The following PARD3B variants were observed in gnomAD, a reference collection of about 807,000 sequenced individuals.
PARD3B encodes the protein partitioning defective 3 homolog B.
Under a neutral mutation model 130.2 loss-of-function variants are expected in PARD3B, and 103 were observed. That is an observed-to-expected ratio of 0.79 (90% CI 0.67 to 0.93). PARD3B has a LOEUF of 0.93. Among genes scored for constraint, PARD3B ranks in the 40% least tolerant of loss-of-function variants. PARD3B has a pLI of 0.00. For missense variants in PARD3B, 1,609 were observed against 1,499.2 expected (o/e 1.07, Z -1.21); for synonymous variants, 583 against 553.2 (o/e 1.05, Z -0.76).
intron 1 of PARD3B, among the ~76,000 whole-genome samples, chr2:204,684,090 A>G (rs1212679700): frequency 2.0e-5 from 3 of 152,174 alleles, no homozygotes; most frequent in East Asian, 1.9e-4. Context: ...CTTTATTTTA[A>G]ATTAGGACTC....
intron 1 of PARD3B, among the ~76,000 whole-genome samples, chr2:204,568,507 T>A (rs932437912): frequency 3.2e-4 from 49 of 152,270 alleles, no homozygotes; most frequent in South Asian, 1.2e-3. Context: ...TTTAAAAAAA[T>A]TTTTTTAAGA....
intron 2 of PARD3B, among the ~76,000 whole-genome samples, chr2:204,861,351 A>G (rs1376648973): frequency 1.3e-5 from 2 of 152,190 alleles, no homozygotes; most frequent in Non-Finnish European, 2.9e-5. Flanking sequence ...TAACATATCA[A>G]GAATGGTATT....
chr2:205,445,078 A>G (rs80050209), intron 20 of PARD3B, among the ~76,000 whole-genome samples: 1,916 of 152,286 alleles, frequency 0.013, 24 homozygotes, highest in Middle Eastern at 0.021. Flanking sequence ...CTTCTGTGAC[A>G]GTATTTCAGA....
chr2:204,718,679 A>G (rs757272522), intron 2 of PARD3B, among the ~76,000 whole-genome samples: 2 of 152,210 alleles, frequency 1.3e-5, no homozygotes, highest in Admixed American at 6.5e-5. Flanking sequence ...TTCAACATCA[A>G]CCATTGCCTA....
intron 21 of PARD3B, among the ~76,000 whole-genome samples, chr2:205,529,527 C>G (rs2051487321): frequency 6.6e-6 from 1 of 151,416 alleles, no homozygotes; most frequent in Non-Finnish European, 1.5e-5. Context: ...ACTTTTTTTC[C>G]TTTTTAACTT....
At chr2:205,189,308 A>C (rs928241743) in intron 14 of PARD3B, among the ~76,000 whole-genome samples, 3 of 152,152 alleles carry the variant, frequency 2.0e-5, no homozygotes, top group African/African-American at 7.2e-5. Flanking sequence ...CACCTCAGAC[A>C]GTTCTTGAAC....
chr2:205,519,462 TCC>T (rs1429600673), intron 21 of PARD3B, among the ~76,000 whole-genome samples: 3 of 152,244 alleles, frequency 2.0e-5, no homozygotes, highest in Non-Finnish European at 4.4e-5. Flanking sequence ...GGCTATTTCA[TCC>T]TTCAGCTCCT....
chr2:204,640,591 T>A (rs1192244788), intron 1 of PARD3B, among the ~76,000 whole-genome samples: 1 of 152,178 alleles, frequency 6.6e-6, no homozygotes, highest in Non-Finnish European at 1.5e-5. Flanking sequence ...TGACTAGACC[T>A]GAGATACTGC....
rs2046077008 is a variant in PARD3B, at chr2:205,397,588, A to G, written c.2631-3425A>G. Among the ~76,000 whole-genome samples the G allele has an allele frequency of 6.6e-6, 1 of 152,186 alleles. No homozygotes were observed. The highest frequency in any genetic ancestry group is 6.5e-5 in the Admixed American group (1 of 15,280). On this transcript the variant is annotated intron_variant, in intron 18 of 22. Coordinates refer to ENST00000406610, the MANE Select transcript of PARD3B (RefSeq NM_001302769.2). This position sits in a 1 kb window ranked among gnomAD's most constrained non-coding sequence, Gnocchi z 4.8. ...AGGAAATGGTTAGTTTTACCCTTCA[A>G]AAACAAGACTGCTTTTACCTCAGAA... is the stretch of plus-strand genomic sequence containing the variant.
chr2:204,780,676 T>C (rs556554202), intron 2 of PARD3B, among the ~76,000 whole-genome samples: 2 of 152,258 alleles, frequency 1.3e-5, no homozygotes, highest in South Asian at 2.1e-4. Context: ...AGTGATCTTA[T>C]AGTGCATAGA....
At chr2:204,599,571 T>C (rs1366471350) in intron 1 of PARD3B, among the ~76,000 whole-genome samples, 1 of 152,046 alleles carries the variant, frequency 6.6e-6, no homozygotes, top group East Asian at 1.9e-4. Flanking sequence ...TGCCACATTT[T>C]CTGTATCAGT....
intron 21 of PARD3B, among the ~76,000 whole-genome samples, chr2:205,513,688 T>G (rs10176523): frequency 0.48 from 72,212 of 151,908 alleles, 18,272 homozygotes; most frequent in Middle Eastern, 0.66. Context: ...TATTAATTAA[T>G]GTGGTAGACC....
intron 18 of PARD3B, among the ~76,000 whole-genome samples, chr2:205,393,847 T>C (rs1280293310): frequency 6.6e-6 from 1 of 152,146 alleles, no homozygotes; most frequent in African/African-American, 2.4e-5. Flanking sequence ...TTTGAATCAT[T>C]CATCAGCGTA....
At chr2:205,224,097 C>G (rs1362656611) in intron 15 of PARD3B, among the ~76,000 whole-genome samples, 4 of 146,378 alleles carry the variant, frequency 2.7e-5, no homozygotes, top group Non-Finnish European at 6.0e-5. Flanking sequence ...GGGCCAGGCA[C>G]GGTGGCTCAC....
intron 19 of PARD3B, among the ~76,000 whole-genome samples, chr2:205,426,897 A>G (rs1489000617): frequency 1.3e-5 from 2 of 152,204 alleles, no homozygotes; most frequent in Admixed American, 6.5e-5. Flanking sequence ...TATTGCTCCT[A>G]TTCAAAGGCC....
intron 22 of PARD3B, among the ~76,000 whole-genome samples, chr2:205,611,785 A>C (rs562573425): frequency 1.3e-5 from 2 of 152,328 alleles, no homozygotes; most frequent in South Asian, 4.1e-4. Context: ...TTCTGAGTAA[A>C]ATTTTTAAAT....
intron 2 of PARD3B, among the ~76,000 whole-genome samples, chr2:204,767,168 G>C (rs1475206747): frequency 3.4e-5 from 2 of 58,218 alleles, no homozygotes; most frequent in Non-Finnish European, 6.8e-5. Context: ...CCCCACCACA[G>C]TCCCCAGAGT....
chr2:204,975,160 G>A (rs1168957201), intron 3 of PARD3B, among the ~76,000 whole-genome samples: 2 of 152,144 alleles, frequency 1.3e-5, no homozygotes, highest in African/African-American at 4.8e-5. Flanking sequence ...TAGTCAGTAT[G>A]TGATGTTTCC....
Position 204,799,630 on chromosome 2 carries a change from C to T in PARD3B, c.222+113348C>T, listed in dbSNP as rs558003406. Among the ~76,000 whole-genome samples the T allele has an allele frequency of 3.9e-4, 59 of 152,150 alleles. No individual in the cohort carries two copies. Among genetic ancestry groups the T allele is most frequent in the African/African-American group, 2.2e-4 (9 of 41,446 alleles). On this transcript the variant is annotated intron_variant, in intron 2 of 22. Transcript: ENST00000406610. This position sits in a 1 kb window ranked among gnomAD's most constrained non-coding sequence, Gnocchi z 4.1. ...CAGTGGTGGTGGCCACAGGTGTGCT[C>T]ATGTTATCCCTCTCCAGCTCCAGGC...
Sources: allele counts gnomAD v4.1 joint callset (sites outside exome capture counted in the v4.1 genomes callset), GRCh38; gene constraint gnomAD v4.1.1; non-coding constraint Gnocchi (gnomAD v3.1); transcripts MANE v1.5; gene names NCBI Gene and HGNC (gene_info 2026-07-23, HGNC 2026-07-21).